Variants in MARF1 observed in about 807,000 individuals in gnomAD.
MARF1 encodes limkain-b1.
In MARF1, 24 loss-of-function variants were observed where a neutral mutation model predicts 168.2. The ratio of observed to expected loss-of-function variants is 0.14; its 90% CI spans 0.10 to 0.20. The LOEUF is 0.20. MARF1 is among the 10% of genes least tolerant of loss of function. MARF1 has a pLI of 1.00. For synonymous variants in MARF1, 868 were observed against 822.4 expected (o/e 1.06, Z -0.95); for missense variants, 1,744 against 2,143.6 (o/e 0.81, Z 3.68).
At position 15,609,469 on chromosome 16, in the gene MARF1, T is replaced by C. The variant is rs138717028; in HGVS notation, c.3954+54A>G. 264 of 1,450,152 alleles carry C rather than the reference T, an allele frequency of 1.8e-4. 1 individual carries two copies. In the East Asian group the frequency reaches 5.8e-3, roughly 32 times the overall value. 89.8% of individuals were successfully genotyped at this position (1,450,152 alleles called of 1,614,324 possible). On this transcript the variant is annotated intron_variant, in intron 20 of 26. Transcript: ENST00000396368. Reference sequence around the variant, plus strand: ...ACAGGTCTGGAACGTGAAAAAGTATTTCCTATACGTTGTTCAGAAAAATAC... The same window carrying C: ...ACAGGTCTGGAACGTGAAAAAGTATCTCCTATACGTTGTTCAGAAAAATAC...
At chr16:15,605,587 C>A (rs117985468) in intron 21 of MARF1, among the ~76,000 whole-genome samples, 2,421 of 152,224 alleles carry the variant, frequency 0.016, 31 homozygotes, top group Non-Finnish European at 0.027. Context: ...AGGAAAGAAA[C>A]CAAACCAGAG....
chr16:15,637,906 G>T (rs78595865), intron 2 of MARF1, among the ~76,000 whole-genome samples: 1 of 152,208 alleles, frequency 6.6e-6, no homozygotes. Flanking sequence ...GGTGGCTCAC[G>T]CCTGTAATCC....
At chr16:15,623,186 A>T (rs1038403203) in intron 10 of MARF1, 63 bp from the exon 11 acceptor site, 46 of 1,307,692 alleles carry the variant, frequency 3.5e-5, no homozygotes, top group Non-Finnish European at 4.5e-5. Context: ...AGATTTTATC[A>T]TTTAGGCTTT....
chr16:15,642,069 T>C (rs766770040), intron 1 of MARF1, among the ~76,000 whole-genome samples: 2 of 152,158 alleles, frequency 1.3e-5, no homozygotes, highest in African/African-American at 4.8e-5. Context: ...ATCCCATCTC[T>C]AAAATGGGTG....
chr16:15,633,206 C>CAT (rs1269628234), intron 5 of MARF1, among the ~76,000 whole-genome samples: 1 of 149,066 alleles, frequency 6.7e-6, no homozygotes, highest in Non-Finnish European at 1.5e-5. Context: ...CACACACACA[C>CAT]GTACAGCACT....
chr16:15,609,620 G>A lies in MARF1; in HGVS notation c.3857C>T (p.Pro1286Leu). The change falls in exon 20 of 27, where the codon CCT becomes CTT. Residue 1286 changes from proline (P) to leucine (L), a missense_variant. Pro to Leu is a moderately conservative substitution (Grantham distance 98, BLOSUM62 -3). Around this residue, in one of 7 missense-constraint regions of MARF1, gnomAD observed 543 missense variants for 742.1 expected, o/e 0.73. Transcript: ENST00000396368. ...CCGGCCAAAGTGGTGATGGTAAGAA[G>A]GGATAAATTTATTAAAGGGCATCCG... ...HFRMPFNKFI[P>L]SYHHHFGRQC... 1 of 1,614,126 alleles carries A rather than the reference G, an allele frequency of 6.2e-7. No individual in the cohort carries two copies. Among genetic ancestry groups the A allele is most frequent in the Non-Finnish European group, 8.5e-7 (1 of 1,180,010 alleles).
chr16:15,604,549 G>C, intron 21 of MARF1, 151 bp from the exon 22 acceptor site: 1 of 617,962 alleles, frequency 1.6e-6, no homozygotes, highest in Non-Finnish European at 2.8e-6. Flanking sequence ...AAGTGGGTTT[G>C]TTTTTAGCGT....
Position 15,639,286 on chromosome 16 carries a change from T to G in MARF1, c.-53A>C, listed in dbSNP as rs1262981440. 1 of 1,572,258 alleles carries G rather than the reference T, an allele frequency of 6.4e-7. No individual in the cohort carries two copies. The highest frequency in any genetic ancestry group is 8.6e-7 in the Non-Finnish European group (1 of 1,156,406). ...TTTCATCTTTCTTTTCTTTCATTCT[T>G]CCACCCTGTTAAGAATGAGTAAGAT... On this transcript the variant is annotated 5_prime_UTR_variant, in exon 2 of 27. Transcript: ENST00000396368.
In MARF1 at chr16:15,625,615, G is replaced by A. The variant is rs374537908; in HGVS notation, c.1710C>T (p.Asn570=). Residue 570 remains asparagine (N), a synonymous_variant, in exon 8 of 27, where the codon AAC becomes AAT. Coordinates refer to ENST00000396368, the MANE Select transcript of MARF1 (RefSeq NM_014647.4). ...TGATCCTATTACCAAAGACATCTTC[G>A]TTTTCCATTCGCTTCTGAGCGCGCT... ...SAERAQKRME[N]EDVFGNRIIV... 5.8e-5 allele frequency: 93 copies of A among 1,614,030 alleles called. No individual in the cohort carries two copies. Among genetic ancestry groups the A allele is most frequent in the Non-Finnish European group, 7.8e-5 (92 of 1,180,036 alleles).
Position 15,611,633 on chromosome 16 carries a change from G to A in MARF1, c.3576C>T (p.Ser1192=). ...AGAATTCTCTCACAATGACCTGTTT[G>A]CTGGCCTGGGATTTGAGAAGTTTTA... ...DLLKLLKSQA[S]KQVIVREFSQ... The change falls in exon 18 of 27, where the codon AGC becomes AGT. Residue 1192 remains serine, a synonymous_variant. Coordinates refer to ENST00000396368, the MANE Select transcript of MARF1 (RefSeq NM_014647.4). 2 of 1,614,058 alleles carry A rather than the reference G, an allele frequency of 1.2e-6. No individual in the cohort carries two copies. Among genetic ancestry groups the A allele is most frequent in the Non-Finnish European group, 1.7e-6 (2 of 1,179,984 alleles).
chr16:15,631,900 A>C (rs1026383026), intron 5 of MARF1, among the ~76,000 whole-genome samples: 4 of 152,288 alleles, frequency 2.6e-5, no homozygotes, highest in Admixed American at 2.6e-4. Context: ...TTCCAGCTTC[A>C]TCCATGTCCC....
At chr16:15,638,624 G>A (rs950211444) in intron 2 of MARF1, among the ~76,000 whole-genome samples, 2 of 151,852 alleles carry the variant, frequency 1.3e-5, no homozygotes, top group East Asian at 3.9e-4. Context: ...CAATGAGTAA[G>A]CAAGAAGTTA....
intron 4 of MARF1, among the ~76,000 whole-genome samples, chr16:15,634,065 C>A (rs1191617995): frequency 1.3e-5 from 2 of 152,118 alleles, no homozygotes; most frequent in Non-Finnish European, 2.9e-5. Context: ...GAAGACAAAT[C>A]TAAAAGTCAA....
chr16:15,640,928 A>C lies in MARF1; in HGVS notation c.-58-1637T>G, dbSNP rs2035906773. ...AATATAGCAAGATCACAGCTCTAAA[A>C]TAAAATAAAGTTCAAAAAATTAGCA... is the stretch of plus-strand genomic sequence containing the variant. On this transcript the variant is annotated intron_variant, in intron 1 of 26. Transcript: ENST00000396368. Among the ~76,000 whole-genome samples the C allele has an allele frequency of 2.0e-5, 3 of 152,196 alleles. No homozygotes were observed. In the South Asian group the frequency reaches 6.2e-4, roughly 31 times the overall value.
chr16:15,608,518 C>T lies in MARF1; in HGVS notation c.3955G>A (p.Val1319Ile). 1 of 1,608,706 alleles carries T rather than the reference C, an allele frequency of 6.2e-7. No homozygotes were observed. The highest frequency in any genetic ancestry group is 2.2e-5 in the East Asian group (1 of 44,828). Reference sequence around the variant, plus strand: ...ATCTTTTCTTCTCCACATTCCAATACCTTTGAAAACACACGGGGGGAGGAA... The same window carrying T: ...ATCTTTTCTTCTCCACATTCCAATATCTTTGAAAACACACGGGGGGAGGAA... Reference protein sequence around the residue: ...LFEAIPDTLQVLECGEEKILT... With the variant: ...LFEAIPDTLQILECGEEKILT... The change falls in exon 21 of 27, where the codon GTA becomes ATA. Residue 1319 changes from valine to isoleucine, a missense_variant and splice_region_variant. Val to Ile is a conservative substitution (Grantham distance 29). Transcript: ENST00000396368.
rs377588367 is a variant in MARF1, at chr16:15,635,840, T to C, written c.647A>G (p.Gln216Arg). The C allele has an allele frequency of 8.7e-6, 14 of 1,614,092 alleles. No individual in the cohort carries two copies. The highest frequency in any genetic ancestry group is 1.1e-5 in the South Asian group (1 of 91,086). Residue 216 changes from glutamine to arginine, a missense_variant, in exon 3 of 27, where the codon CAG becomes CGG. By Grantham distance (43) the Gln-to-Arg change is conservative (BLOSUM62 1). This residue lies in a region of MARF1 where 318 missense variants were observed against 336.6 expected (regional missense o/e 0.94). Transcript: ENST00000396368. ...VHKLHQFPSL[Q>R]GCTSAGYFPC... ...GAAATAGCCAGCGGAGGTGCAGCCC[T>C]GCAGACTCGGAAACTGATGCAGCTT...
chr16:15,602,499 C>CGAAGACGACGAT (rs968848250), intron 22 of MARF1: 2 of 539,896 alleles, frequency 3.7e-6, no homozygotes, highest in Non-Finnish European at 6.7e-6. Context: ...GAAGACAAGA[C>CGAAGACGACGAT]GAAGACGACG....
At position 15,596,901 on chromosome 16, in the gene MARF1, A is replaced by C. The variant is rs1355898257; in HGVS notation, c.5021T>G (p.Ile1674Ser). The C allele has an allele frequency of 1.2e-6, 2 of 1,610,374 alleles. No homozygotes were observed. The highest frequency in any genetic ancestry group is 4.5e-5 in the East Asian group (2 of 44,786). Reference protein sequence around the residue: ...MILNQEEKMEIPIPGKSKTLT... With the variant: ...MILNQEEKMESPIPGKSKTLT... ...AGTTTTGCTCTTTCCTGGTATTGGA[A>C]TCTCCATTTTTTCTTCTTGGTTTAA... Residue 1674 changes from isoleucine (I) to serine (S), a missense_variant, in exon 27 of 27, where the codon ATT becomes AGT. Physicochemically the swap from Ile to Ser is moderately radical, Grantham distance 142 (BLOSUM62 -2). Coordinates refer to ENST00000396368, the MANE Select transcript of MARF1 (RefSeq NM_014647.4).
In MARF1 at chr16:15,623,071, C is replaced by A; in HGVS notation, c.2323G>T (p.Ala775Ser). The change falls in exon 11 of 27, where the codon GCA (alanine) becomes TCA (serine). Residue 775 changes from alanine to serine, a missense_variant. Physicochemically the swap from Ala to Ser is moderately conservative, Grantham distance 99. This residue lies in a region of MARF1 where 270 missense variants were observed against 260.6 expected (regional missense o/e 1.04). Transcript: ENST00000396368. ...CAGTCGGCTTCGCTGCTCGAATTTG[C>A]AATGTTGAAAGCAAGCGGGGATGCT... ...NRASPLAFNI[A>S]NSSSEADCPD... The A allele has an allele frequency of 6.2e-7, 1 of 1,610,436 alleles. No homozygotes were observed. The highest frequency in any genetic ancestry group is 8.5e-7 in the Non-Finnish European group (1 of 1,176,978).
Sources: allele counts gnomAD v4.1 joint callset (sites outside exome capture counted in the v4.1 genomes callset), GRCh38; gene constraint gnomAD v4.1.1; regional missense constraint gnomAD v4.1.1; transcripts MANE v1.5; gene names NCBI Gene and HGNC (gene_info 2026-07-23, HGNC 2026-07-21).